Variants in NLGN1 observed in about 807,000 individuals in gnomAD.
The protein encoded by NLGN1 is neuroligin-1.
Under a neutral mutation model 65.5 loss-of-function variants are expected in NLGN1, and 12 were observed. The ratio of observed to expected loss-of-function variants is 0.18; its 90% CI spans 0.12 to 0.30. NLGN1 has a LOEUF of 0.30. Among genes scored for constraint, NLGN1 ranks in the 10% least tolerant of loss-of-function variants. The pLI, the probability that NLGN1 is intolerant of heterozygous loss-of-function variation, is 1.00. For missense variants in NLGN1, 750 were observed against 1,007.1 expected, an observed-to-expected ratio of 0.74 and a Z score of 3.46; for synonymous variants, 350 against 359.5, an observed-to-expected ratio of 0.97 and a Z score of 0.30.
rs140690614 is a variant in NLGN1 at position 173,561,996 on chromosome 3, TC to T, written c.-320-42282del. Among the ~76,000 whole-genome samples, 469 of 152,314 alleles carry T rather than the reference TC, an allele frequency of 3.1e-3. 1 individual carries two copies. Among genetic ancestry groups the T allele is most frequent in the African/African-American group, 0.011 (446 of 41,560 alleles). On this transcript the variant is annotated intron_variant, in intron 2 of 6. Coordinates refer to ENST00000457714, the Ensembl canonical transcript of NLGN1. ...ATTGGAGAAATAGGGCTATAGATGA[TC>T]AGCACAGTTAAGGTTTTTGTTTTTG... is the stretch of plus-strand genomic sequence containing the variant.
chr3:173,777,310 G>A (rs1398689229), intron 3 of NLGN1, among the ~76,000 whole-genome samples: 1 of 151,844 alleles, frequency 6.6e-6, no homozygotes, highest in Non-Finnish European at 1.5e-5. Context: ...TTTGGTGAGT[G>A]ACTCATTGTG....
chr3:174,138,580 C>G lies in NLGN1; in HGVS notation c.647-136735C>G, dbSNP rs551146152. Among the ~76,000 whole-genome samples, 781 of 151,634 alleles carry G rather than the reference C, an allele frequency of 5.2e-3. 18 individuals are homozygous for G. Among genetic ancestry groups the G allele is most frequent in the East Asian group, 0.015 (79 of 5,120 alleles). On this transcript the variant is annotated intron_variant, in intron 4 of 6. Transcript: ENST00000457714. ...CTCCCAAATAGCTGGGACGACAGGC[C>G]CCCGCCACCACGCCCGGCTAATTTT...
downstream of NLGN1, among the ~76,000 whole-genome samples, chr3:174,287,740 C>T (rs1752287902): frequency 6.6e-6 from 1 of 151,440 alleles, no homozygotes; most frequent in African/African-American, 2.4e-5. Context: ...CTCTGCACTA[C>T]AGGGGATCTT....
chr3:173,637,856 C>T (rs962749677), intron 3 of NLGN1, among the ~76,000 whole-genome samples: 5 of 152,116 alleles, frequency 3.3e-5, no homozygotes, highest in Non-Finnish European at 7.4e-5. Flanking sequence ...TTAGTATTTT[C>T]GTTTCTTTGT....
chr3:173,884,202 A>G (rs1270874977), intron 4 of NLGN1, among the ~76,000 whole-genome samples: 2 of 152,166 alleles, frequency 1.3e-5, no homozygotes, highest in African/African-American at 4.8e-5. Context: ...AATTGACAAG[A>G]ATTCTCTGGG....
In NLGN1 at chr3:174,279,728, CA is replaced by C. The variant is rs1484655730; in HGVS notation, c.1649+79del. Reference sequence around the variant, plus strand: ...TTTTAAAATAATAGATATTTATGCCCAGATAATGTCATATTGGATTAATACC... The same window carrying C: ...TTTTAAAATAATAGATATTTATGCCCGATAATGTCATATTGGATTAATACC... On this transcript the variant is annotated intron_variant, in intron 6 of 6. Transcript: ENST00000457714. The surrounding 1 kb of genome is among the most constrained non-coding windows in gnomAD (Gnocchi z 4.7). 1 of 814,610 alleles carries C rather than the reference CA, an allele frequency of 1.2e-6. No homozygotes were observed. Among genetic ancestry groups the C allele is most frequent in the Non-Finnish European group, 1.9e-6 (1 of 516,622 alleles). 50.5% of individuals were successfully genotyped at this position (814,610 alleles called of 1,614,324 possible). A position where few individuals can be genotyped will look rare whatever the true frequency, so the allele number is the denominator to read the frequency against.
chr3:173,876,544 G>A (rs930400531), intron 4 of NLGN1, among the ~76,000 whole-genome samples: 1 of 152,082 alleles, frequency 6.6e-6, no homozygotes, highest in African/African-American at 2.4e-5. Flanking sequence ...ATGGAGCACT[G>A]CTAAAAATAG....
chr3:173,451,324 A>C (rs975138083), intron 2 of NLGN1, among the ~76,000 whole-genome samples: 7 of 152,102 alleles, frequency 4.6e-5, no homozygotes, highest in African/African-American at 7.2e-5. Context: ...CTGGAGGTGC[A>C]CTCCAGACCC....
At chr3:173,685,028 C>T (rs1415696202) in intron 3 of NLGN1, among the ~76,000 whole-genome samples, 1 of 152,060 alleles carries the variant, frequency 6.6e-6, no homozygotes, top group Non-Finnish European at 1.5e-5. Flanking sequence ...ATCCTCTATG[C>T]CCGGTATGGC....
At chr3:173,778,797 A>G (rs924885141) in intron 3 of NLGN1, among the ~76,000 whole-genome samples, 1 of 151,804 alleles carries the variant, frequency 6.6e-6, no homozygotes, top group African/African-American at 2.4e-5. Context: ...TCTTCTTCAA[A>G]TATAGAAACA....
chr3:173,870,885 C>T (rs1402489706), intron 4 of NLGN1, among the ~76,000 whole-genome samples: 2 of 152,200 alleles, frequency 1.3e-5, no homozygotes, highest in Non-Finnish European at 2.9e-5. Context: ...CATTTCTTGA[C>T]ACAGAACTCC....
intron 4 of NLGN1, among the ~76,000 whole-genome samples, chr3:173,971,040 G>A (rs547079390): frequency 7.8e-4 from 118 of 152,190 alleles, no homozygotes; most frequent in African/African-American, 1.6e-3. Flanking sequence ...AGATGAAACC[G>A]TGAGTTAATG....
intron 3 of NLGN1, among the ~76,000 whole-genome samples, chr3:173,749,428 C>A (rs1485313443): frequency 6.6e-6 from 1 of 152,010 alleles, no homozygotes; most frequent in African/African-American, 2.4e-5. Context: ...CTTGAAGATA[C>A]TCTTCTAAAT....
At chr3:173,862,500 C>A (rs1157126923) in intron 4 of NLGN1, among the ~76,000 whole-genome samples, 2 of 99,476 alleles carry the variant, frequency 2.0e-5, no homozygotes, top group South Asian at 3.2e-4. Flanking sequence ...AGCGAGACTC[C>A]GTCTCAAAAA....
intron 4 of NLGN1, among the ~76,000 whole-genome samples, chr3:173,994,904 T>C (rs1721947984): frequency 6.6e-6 from 1 of 152,074 alleles, no homozygotes; most frequent in Non-Finnish European, 1.5e-5. Context: ...AGAGGAAACA[T>C]AAGGAGAAGG....
intron 2 of NLGN1, among the ~76,000 whole-genome samples, chr3:173,436,621 C>G (rs954462478): frequency 3.9e-5 from 6 of 152,178 alleles, no homozygotes. Context: ...TTCTCCTCTT[C>G]TTTGTCTTGT....
chr3:174,043,867 G>A (rs150907415), intron 4 of NLGN1, among the ~76,000 whole-genome samples: 60 of 152,236 alleles, frequency 3.9e-4, no homozygotes, highest in African/African-American at 1.4e-3. Flanking sequence ...TTTCCCTTAT[G>A]CACTGCCCTG....
chr3:174,149,435 A>G (rs1367092297), intron 4 of NLGN1, among the ~76,000 whole-genome samples: 5 of 152,108 alleles, frequency 3.3e-5, no homozygotes, highest in African/African-American at 4.8e-5. Context: ...CAAAGCTTTA[A>G]TATTTCTCTG....
chr3:173,678,156 T>C (rs1763428101), intron 3 of NLGN1, among the ~76,000 whole-genome samples: 1 of 152,080 alleles, frequency 6.6e-6, no homozygotes, highest in Non-Finnish European at 1.5e-5. Flanking sequence ...CACAGGCCTT[T>C]AATGTGACAA....
Sources: gnomAD v4.1 joint callset for allele counts (sites outside exome capture counted in the v4.1 genomes callset) on GRCh38, gnomAD v4.1.1 for gene constraint, Gnocchi (gnomAD v3.1) non-coding constraint, MANE v1.5 for transcripts, NCBI Gene and HGNC (gene_info 2026-07-23, HGNC 2026-07-21) for gene names.